Variants in KDM2B observed in about 807,000 individuals in gnomAD.
The protein encoded by KDM2B is lysine-specific demethylase 2B.
In KDM2B, 26 loss-of-function variants were observed where a neutral mutation model predicts 150.0. The observed-to-expected ratio is 0.17, with a 90% CI of 0.13 to 0.24. The LOEUF (loss-of-function observed/expected upper bound fraction) is 0.24. Among genes scored for constraint, KDM2B ranks in the 10% least tolerant of loss-of-function variants. KDM2B has a pLI of 1.00. For synonymous variants in KDM2B, 734 were observed against 729.5 expected (o/e 1.01, Z -0.10); for missense variants, 1,265 against 1,816.9 (o/e 0.70, Z 5.52).
intron 8 of KDM2B, among the ~76,000 whole-genome samples, chr12:121,523,176 T>C (rs1886839267): frequency 6.6e-6 from 1 of 152,238 alleles, no homozygotes; most frequent in South Asian, 2.1e-4. Context: ...CGACAGCGGC[T>C]CCGTTTTTAG....
intron 1 of KDM2B, chr12:121,580,106 G>T: frequency 6.3e-7 from 1 of 1,578,216 alleles, no homozygotes. Flanking sequence ...CCTGCATTTT[G>T]GCCGAGGGGG....
intron 11 of KDM2B, among the ~76,000 whole-genome samples, chr12:121,500,449 G>A (rs1019559411): frequency 1.6e-4 from 25 of 152,314 alleles, no homozygotes; most frequent in African/African-American, 5.8e-4. Context: ...GGGCCTGGGC[G>A]GCCCTTTATG....
intron 4 of KDM2B, among the ~76,000 whole-genome samples, chr12:121,557,617 C>T (rs1555312989): frequency 6.6e-6 from 1 of 152,148 alleles, no homozygotes; most frequent in East Asian, 1.9e-4. Flanking sequence ...CAGAGTGACG[C>T]AGCTACAAGC....
chr12:121,415,840 C>T, the KDM2B span, among the ~76,000 whole-genome samples: 222 of 107,852 alleles, frequency 2.1e-3, no homozygotes, highest in Middle Eastern at 5.2e-3. Flanking sequence ...TTTGTCCAGT[C>T]TTTTTTTTTT....
At chr12:121,552,695 G>C (rs951522123) in intron 4 of KDM2B, among the ~76,000 whole-genome samples, 4 of 120,150 alleles carry the variant, frequency 3.3e-5, no homozygotes, top group African/African-American at 1.4e-4. Flanking sequence ...AAAAAAAAAA[G>C]ATTCCAGACC....
chr12:121,516,867 G>GAAAAAAAA, intron 9 of KDM2B: 1 of 553,702 alleles, frequency 1.8e-6, no homozygotes, highest in Non-Finnish European at 3.1e-6. Flanking sequence ...TTTTCTCCTG[G>GAAAAAAAA]AAAAAAAAAA....
intron 10 of KDM2B, among the ~76,000 whole-genome samples, chr12:121,512,542 T>C (rs1401208884): frequency 6.7e-6 from 1 of 150,084 alleles, no homozygotes; most frequent in Admixed American, 6.6e-5. Flanking sequence ...AGATGCAGTG[T>C]CTGAGATGCT....
In KDM2B at chr12:121,520,859, T is replaced by G; in HGVS notation, c.1047+126A>C. ...CCACAGAACCAGGACTGAAGCCAGCTTGAGAGAGGAATCGGGAGGGAGAGG... is the reference window on the plus strand; with the variant it reads ...CCACAGAACCAGGACTGAAGCCAGCGTGAGAGAGGAATCGGGAGGGAGAGG... On this transcript the variant is annotated intron_variant, in intron 9 of 22. Coordinates refer to ENST00000377071, the MANE Select transcript of KDM2B (RefSeq NM_032590.5). This position sits in a 1 kb window ranked among gnomAD's most constrained non-coding sequence, Gnocchi z 4.5. 1 of 392,592 alleles carries G rather than the reference T, an allele frequency of 2.5e-6. No individual in the cohort carries two copies. The highest frequency in any genetic ancestry group is 5.0e-6 in the Non-Finnish European group (1 of 200,298). 24.3% of individuals were successfully genotyped at this position (392,592 alleles called of 1,614,324 possible).
intron 4 of KDM2B, among the ~76,000 whole-genome samples, chr12:121,566,940 G>A (rs1890745757): frequency 2.0e-5 from 3 of 151,898 alleles, no homozygotes; most frequent in African/African-American, 7.3e-5. Flanking sequence ...GGAGGGCAGT[G>A]GCGCAATCTC....
chr12:121,479,431 C>T (rs367970087), intron 12 of KDM2B, among the ~76,000 whole-genome samples: 2 of 149,574 alleles, frequency 1.3e-5, no homozygotes, highest in African/African-American at 4.9e-5. Flanking sequence ...CGTGCCACTG[C>T]ACTCCAGCCT....
At chr12:121,554,443 C>T (rs1194129246) in intron 4 of KDM2B, among the ~76,000 whole-genome samples, 3 of 150,650 alleles carry the variant, frequency 2.0e-5, no homozygotes, top group Admixed American at 1.3e-4. Flanking sequence ...TCTCTTTTGT[C>T]CCCCAGGCTG....
At chr12:121,551,345 T>C (rs1889473823) in intron 4 of KDM2B, among the ~76,000 whole-genome samples, 1 of 133,308 alleles carries the variant, frequency 7.5e-6, no homozygotes, top group Non-Finnish European at 1.6e-5. Flanking sequence ...GATTCCATTC[T>C]TTTTTTTTTT....
intron 4 of KDM2B, among the ~76,000 whole-genome samples, chr12:121,556,993 T>C (rs1555312850): frequency 1.3e-5 from 2 of 151,914 alleles, no homozygotes. Flanking sequence ...GATCGAACAG[T>C]AGACGCAGGG....
chr12:121,530,858 G>A (rs924297204), intron 8 of KDM2B, among the ~76,000 whole-genome samples: 5 of 152,056 alleles, frequency 3.3e-5, no homozygotes, highest in Non-Finnish European at 7.4e-5. Flanking sequence ...ATAAGGCCTG[G>A]ACAGAGAGAC....
chr12:121,492,302 T>C (rs189437796), intron 12 of KDM2B, among the ~76,000 whole-genome samples: 2 of 152,248 alleles, frequency 1.3e-5, no homozygotes, highest in African/African-American at 4.8e-5. Context: ...AATATAGTCA[T>C]TTCAACTACA....
At chr12:121,475,615 C>A (rs1555296627) in intron 12 of KDM2B, among the ~76,000 whole-genome samples, 1 of 151,530 alleles carries the variant, frequency 6.6e-6, no homozygotes, top group Non-Finnish European at 1.5e-5. Flanking sequence ...ACAAAAAAAA[C>A]AGGCACAGTG....
chr12:121,532,051 G>A (rs1555307898), intron 8 of KDM2B, among the ~76,000 whole-genome samples: 1 of 151,890 alleles, frequency 6.6e-6, no homozygotes, highest in Non-Finnish European at 1.5e-5. Flanking sequence ...AACCTGGGAG[G>A]TGAAGGTTGC....
intron 14 of KDM2B, 104 bp from the exon 15 acceptor site, chr12:121,444,640 C>T (rs1430347414): frequency 3.4e-6 from 3 of 884,124 alleles, no homozygotes; most frequent in Non-Finnish European, 5.6e-6. Flanking sequence ...GCACCCCCTC[C>T]CCAACGTCAC....
At chr12:121,473,040 C>T (rs141311972) in intron 12 of KDM2B, among the ~76,000 whole-genome samples, 3,844 of 152,222 alleles carry the variant, frequency 0.025, 157 homozygotes, top group African/African-American at 0.088. Context: ...GAAATAAGAT[C>T]TGAAGTTCTG....
Sources: allele counts gnomAD v4.1 joint callset (sites outside exome capture counted in the v4.1 genomes callset), GRCh38; gene constraint gnomAD v4.1.1; non-coding constraint Gnocchi (gnomAD v3.1); transcripts MANE v1.5; gene names NCBI Gene and HGNC (gene_info 2026-07-23, HGNC 2026-07-21).